Variants in SLIT3 observed in about 807,000 individuals in gnomAD.
The protein encoded by SLIT3 is slit homolog 3 protein.
A neutral mutation model predicts 184.0 loss-of-function variants in SLIT3; 68 were observed. That is an observed-to-expected ratio of 0.37 (90% confidence interval 0.30 to 0.45). The LOEUF (loss-of-function observed/expected upper bound fraction) is 0.45. Ranked by LOEUF, SLIT3 falls within the 20% of genes least tolerant of loss-of-function variation. The pLI is 1.00. For synonymous variants in SLIT3, 831 were observed against 828.6 expected, an observed-to-expected ratio of 1.00 and a Z score of -0.05; for missense variants, 1,707 against 2,026.0, an observed-to-expected ratio of 0.84 and a Z score of 3.02.
rs1755328314 is a variant in SLIT3 at position 168,991,525 on chromosome 5, C to T, written c.414-108189G>A. Among the ~76,000 whole-genome samples the T allele has an allele frequency of 2.0e-5, 3 of 152,224 alleles. 1 individual carries two copies. Among genetic ancestry groups the T allele is most frequent in the African/African-American group, 4.8e-5 (2 of 41,462 alleles). ...ACAGGCATCACAAACAGTGGCTTCC[C>T]ATGTTGGCCTCCCCACTGCCCCCAC... On this transcript the variant is annotated intron_variant, in intron 4 of 35. Transcript: ENST00000519560.
At chr5:168,990,718 G>A (rs1347445384) in intron 4 of SLIT3, among the ~76,000 whole-genome samples, 1 of 152,122 alleles carries the variant, frequency 6.6e-6, no homozygotes, top group Non-Finnish European at 1.5e-5. Flanking sequence ...TTGTGTGCAG[G>A]TACAGGGACC....
chr5:169,117,411 T>TC (rs1760714116), intron 4 of SLIT3, among the ~76,000 whole-genome samples: 1 of 143,302 alleles, frequency 7.0e-6, no homozygotes, highest in Admixed American at 6.9e-5. Context: ...TTCTCCCCCG[T>TC]CCCCTCCCTG....
At chr5:168,735,785 T>C (rs571482989) in intron 20 of SLIT3, among the ~76,000 whole-genome samples, 2 of 152,028 alleles carry the variant, frequency 1.3e-5, no homozygotes, top group South Asian at 4.2e-4. Context: ...TCCTCCAGGG[T>C]AGTATTTCTA....
At chr5:168,998,201 G>C (rs1446587977) in intron 4 of SLIT3, among the ~76,000 whole-genome samples, 1 of 152,166 alleles carries the variant, frequency 6.6e-6, no homozygotes, top group African/African-American at 2.4e-5. Flanking sequence ...ACTTTGTCAT[G>C]GCTTAAAACA....
chr5:169,046,358 A>G (rs1757623042), intron 4 of SLIT3, among the ~76,000 whole-genome samples: 1 of 152,234 alleles, frequency 6.6e-6, no homozygotes. Context: ...TTAACACAAG[A>G]AAGGAGGTGA....
At chr5:168,787,116 G>A (rs1756182827) in intron 11 of SLIT3, among the ~76,000 whole-genome samples, 1 of 152,190 alleles carries the variant, frequency 6.6e-6, no homozygotes, top group Non-Finnish European at 1.5e-5. Flanking sequence ...CTACGGGTGT[G>A]TTTCATTAAT....
rs751468411 is a variant in SLIT3, at chr5:169,193,553, A to G, written c.342-3T>C. 6.2e-7 allele frequency: 1 copy of G among 1,613,116 alleles called. No homozygotes were observed. Among genetic ancestry groups the G allele is most frequent in the South Asian group, 1.1e-5 (1 of 91,056 alleles). ...GCAGCTTATTCTTGTTCAGGCGCCT[A>G]AAGAGGAAAGAGAATGGAAGGATGT... On this transcript the variant is annotated splice_polypyrimidine_tract_variant and splice_region_variant and intron_variant, in intron 3 of 35. Coordinates refer to ENST00000519560, the MANE Select transcript of SLIT3 (RefSeq NM_003062.4).
chr5:169,098,077 G>A (rs562878872), intron 4 of SLIT3, among the ~76,000 whole-genome samples: 6 of 152,266 alleles, frequency 3.9e-5, no homozygotes, highest in African/African-American at 1.4e-4. Flanking sequence ...TCTGACCCCA[G>A]GCAAGCTGCC....
chr5:169,158,582 C>T (rs575377718), intron 4 of SLIT3, among the ~76,000 whole-genome samples: 3 of 152,180 alleles, frequency 2.0e-5, no homozygotes, highest in Middle Eastern at 6.8e-3. Context: ...TCTTAAATTT[C>T]CTAAATTATG....
intron 1 of SLIT3, among the ~76,000 whole-genome samples, chr5:169,284,750 C>T (rs1198241036): frequency 1.3e-5 from 2 of 152,194 alleles, no homozygotes; most frequent in Non-Finnish European, 2.9e-5. Context: ...GCTACACTAC[C>T]TCACAATATC....
intron 4 of SLIT3, among the ~76,000 whole-genome samples, chr5:168,984,927 A>G (rs76248643): frequency 6.6e-6 from 1 of 152,192 alleles, no homozygotes; most frequent in African/African-American, 2.4e-5. Flanking sequence ...ACTTTCAAGC[A>G]TCCAGGTGAT....
intron 3 of SLIT3, among the ~76,000 whole-genome samples, chr5:169,221,056 A>C (rs996500669): frequency 4.6e-5 from 7 of 152,114 alleles, no homozygotes; most frequent in Admixed American, 3.9e-4. Context: ...AGGGTGGGAC[A>C]CCCCTGAGAT....
intron 4 of SLIT3, among the ~76,000 whole-genome samples, chr5:168,966,911 C>CA (rs1763214324): frequency 6.6e-6 from 1 of 152,166 alleles, no homozygotes; most frequent in Non-Finnish European, 1.5e-5. Context: ...CAATATATTT[C>CA]AAAAGCTCTT....
At chr5:168,788,413 T>C (rs1228918442) in intron 11 of SLIT3, among the ~76,000 whole-genome samples, 5 of 152,304 alleles carry the variant, frequency 3.3e-5, no homozygotes, top group Admixed American at 3.3e-4. Context: ...TCTGGTTACC[T>C]GCCCACTCAA....
intron 4 of SLIT3, among the ~76,000 whole-genome samples, chr5:169,063,948 G>A (rs1561639753): frequency 6.6e-6 from 1 of 152,150 alleles, no homozygotes; most frequent in Non-Finnish European, 1.5e-5. Context: ...ATGTATCTGG[G>A]AGGACTGCTT....
intron 3 of SLIT3, among the ~76,000 whole-genome samples, chr5:169,196,442 C>T (rs751204048): frequency 8.5e-5 from 13 of 152,130 alleles, no homozygotes; most frequent in Admixed American, 3.9e-4. Flanking sequence ...TCTACGCAAG[C>T]GTTCAGCACT....
chr5:169,138,578 G>T (rs547333024), intron 4 of SLIT3, among the ~76,000 whole-genome samples: 1 of 152,298 alleles, frequency 6.6e-6, no homozygotes, highest in East Asian at 1.9e-4. Flanking sequence ...CTGCTGGGAA[G>T]ATTAAATGAG....
intron 4 of SLIT3, among the ~76,000 whole-genome samples, chr5:168,922,456 C>CAAAAAAAA (rs34132541): frequency 1.2e-5 from 1 of 82,230 alleles, no homozygotes; most frequent in African/African-American, 5.1e-5. Flanking sequence ...GACTCTGTCT[C>CAAAAAAAA]AAAAAAAAAA....
intron 4 of SLIT3, among the ~76,000 whole-genome samples, chr5:169,018,127 T>C (rs933229579): frequency 7.2e-5 from 11 of 152,162 alleles, no homozygotes; most frequent in South Asian, 2.1e-4. Flanking sequence ...GAAGAGTTTA[T>C]GTTAAATACA....
Sources: gnomAD v4.1 joint callset for allele counts (sites outside exome capture counted in the v4.1 genomes callset) on GRCh38, gnomAD v4.1.1 for gene constraint, MANE v1.5 for transcripts, NCBI Gene and HGNC (gene_info 2026-07-23, HGNC 2026-07-21) for gene names.